The following CDC42EP1 variants were observed in gnomAD, a reference collection of about 807,000 sequenced individuals.
CDC42EP1 encodes the protein 55 kDa bone marrow stromal/endothelial cell protein.
A neutral mutation model predicts 7.4 loss-of-function variants in CDC42EP1; 6 were observed. That is an observed-to-expected ratio of 0.81 (90% CI 0.44 to 1.60). The LOEUF is 1.60. Ranked by LOEUF, CDC42EP1 falls within the 40% of genes most tolerant of loss-of-function variation. The pLI is 0.01. For synonymous variants in CDC42EP1, 238 were observed against 227.1 expected (o/e 1.05, Z -0.43); for missense variants, 567 against 539.0 (o/e 1.05, Z -0.51).
In CDC42EP1 at chr22:37,566,196, C is replaced by G. The variant is rs1396266750; in HGVS notation, c.-154C>G. On this transcript the variant is annotated 5_prime_UTR_variant, in exon 2 of 3. Transcript: ENST00000249014. The surrounding 1 kb of genome is among the most constrained non-coding windows in gnomAD (Gnocchi z 6.4). ...CTGGGAGAGACGAGCCATGAACCCC[C>G]CACAGCCTCTGCATTTGGGGACCTC... 1.9e-6 allele frequency: 1 copy of G among 521,678 alleles called. No individual in the cohort carries two copies. Among genetic ancestry groups the G allele is most frequent in the Non-Finnish European group, 3.4e-6 (1 of 297,540 alleles). 32.3% of individuals were successfully genotyped at this position (521,678 alleles called of 1,614,324 possible).
At chr22:37,560,970 G>T (rs1332797475) in intron 1 of CDC42EP1, among the ~76,000 whole-genome samples, 1 of 151,684 alleles carries the variant, frequency 6.6e-6, no homozygotes, top group South Asian at 2.1e-4. Flanking sequence ...CCCCTCCGCC[G>T]AGGCCCACGC....
In CDC42EP1 at chr22:37,566,369, G is replaced by A. The variant is rs1417765520; in HGVS notation, c.20G>A (p.Gly7Asp). The A allele has an allele frequency of 1.9e-6, 3 of 1,542,556 alleles. No individual in the cohort carries two copies. The highest frequency in any genetic ancestry group is 3.9e-5 in the Admixed American group (2 of 51,294). Residue 7 changes from glycine to aspartate, a missense_variant, in exon 2 of 3, where the codon GGC becomes GAC. Gly to Asp is a moderately conservative substitution (Grantham distance 94, BLOSUM62 -1). Transcript: ENST00000249014. This position sits in a 1 kb window ranked among gnomAD's most constrained non-coding sequence, Gnocchi z 6.4. Reference protein sequence around the residue: MPGPQGGRGAATMSLGK... With the variant: MPGPQGDRGAATMSLGK... ...GAGCTGATGCCCGGCCCCCAGGGGGGCAGAGGCGCCGCCACCATGAGCCTG... is the reference window on the plus strand; with the variant it reads ...GAGCTGATGCCCGGCCCCCAGGGGGACAGAGGCGCCGCCACCATGAGCCTG...
chr22:37,561,959 G>A (rs1294697956), intron 1 of CDC42EP1, among the ~76,000 whole-genome samples: 5 of 152,226 alleles, frequency 3.3e-5, no homozygotes, highest in Non-Finnish European at 7.3e-5. Context: ...ACCATTGAGT[G>A]AGCTCAGGCC....
chr22:37,568,850 C>A lies in CDC42EP1; in HGVS notation c.*30C>A, dbSNP rs184400751. 7.1e-7 allele frequency: 1 copy of A among 1,412,622 alleles called. No homozygotes were observed. The highest frequency in any genetic ancestry group is 9.3e-7 in the Non-Finnish European group (1 of 1,070,464). 87.5% of individuals were successfully genotyped at this position (1,412,622 alleles called of 1,614,324 possible). On this transcript the variant is annotated 3_prime_UTR_variant, in exon 3 of 3. Transcript: ENST00000249014. ...CTGGGGCACGGTCCCAGGGCCCCAC[C>A]TAGGTGCAGAGCCGGCCCCTCACCT...
chr22:37,567,450 G>A (rs985920152), intron 2 of CDC42EP1, among the ~76,000 whole-genome samples: 1 of 152,126 alleles, frequency 6.6e-6, no homozygotes, highest in Admixed American at 6.6e-5. Flanking sequence ...TTGGCCGTTC[G>A]GTCAGAGCTC....
At position 37,568,584 on chromosome 22, in the gene CDC42EP1, G is replaced by T; in HGVS notation, c.940G>T (p.Gly314Cys). 6.2e-7 allele frequency: 1 copy of T among 1,602,382 alleles called. No homozygotes were observed. The highest frequency in any genetic ancestry group is 1.1e-5 in the South Asian group (1 of 89,422). Reference protein sequence around the residue: ...PVGGGPRGPAGPALGRHWGAG... With the variant: ...PVGGGPRGPACPALGRHWGAG... ...GGGAGGGGGTCCCCGAGGACCTGCT[G>T]GCCCTGCCCTCGGCAGGCACTGGGG... is the stretch of plus-strand genomic sequence containing the variant. The change falls in exon 3 of 3, where the codon GGC (glycine) becomes TGC (cysteine). Residue 314 changes from glycine (G) to cysteine (C), a missense_variant. Physicochemically the swap from Gly to Cys is radical, Grantham distance 159. Transcript: ENST00000249014.
In CDC42EP1 at chr22:37,568,396, ACC is replaced by A; in HGVS notation, c.757_758del (p.Pro253SerfsTer46). 6.9e-7 allele frequency: 1 copy of A among 1,441,188 alleles called. No homozygotes were observed. The highest frequency in any genetic ancestry group is 9.5e-7 in the Non-Finnish European group (1 of 1,049,608). The allele number at this position is 1,441,188 out of a possible 1,614,324, so 89.3% of individuals were successfully genotyped here. A position where few individuals can be genotyped will look rare whatever the true frequency, so the allele number is the denominator to read the frequency against. ...GCAAACCCCCCAGCCACTACTGCAA[ACC>A]CCCCAGCGCCTGCTGCAAACCCCTC... On this transcript the variant is annotated frameshift_variant, in exon 3 of 3. Coordinates refer to ENST00000249014, the MANE Select transcript of CDC42EP1 (RefSeq NM_152243.3). LOFTEE classifies it low-confidence loss of function (END_TRUNC).
Position 37,566,628 on chromosome 22 carries a change from G to A in CDC42EP1, c.279G>A (p.Gly93=), listed in dbSNP as rs140945384. 972 of 1,595,802 alleles carry A rather than the reference G, an allele frequency of 6.1e-4. 1 individual carries two copies. The highest frequency in any genetic ancestry group is 7.7e-4 in the Non-Finnish European group (904 of 1,168,434). The change falls in exon 2 of 3, where the codon GGG becomes GGA. Residue 93 remains glycine (G), a synonymous_variant. Coordinates refer to ENST00000249014, the MANE Select transcript of CDC42EP1 (RefSeq NM_152243.3). This position sits in a 1 kb window ranked among gnomAD's most constrained non-coding sequence, Gnocchi z 6.4. The part of the protein sequence containing the change: ...AKKLQLVRRV[G]APPRRMASPP... ...AGCTGCAGCTGGTGCGGAGGGTGGG[G>A]GCGCCCCCCCGGAGGATGGCATCTC...
chr22:37,568,817 G>A lies in CDC42EP1; in HGVS notation c.1173G>A (p.Val391=). 6.8e-7 allele frequency: 1 copy of A among 1,477,758 alleles called. No homozygotes were observed. Among genetic ancestry groups the A allele is most frequent in the Non-Finnish European group, 9.0e-7 (1 of 1,112,816 alleles). The allele number at this position is 1,477,758 out of a possible 1,614,324, so 91.5% of individuals were successfully genotyped here. ...CTGAGGAGGATGATGAGGTCAAGGT[G>A]TGAGGGGCTGGGGCACGGTCCCAGG... ...ADAEEDDEVK[V] Residue 391 remains valine (V), a synonymous_variant, in exon 3 of 3, where the codon GTG becomes GTA. Coordinates refer to ENST00000249014, the MANE Select transcript of CDC42EP1 (RefSeq NM_152243.3).
Position 37,566,739 on chromosome 22 carries a change from C to T in CDC42EP1, c.390C>T (p.Tyr130=), listed in dbSNP as rs1233862165. The T allele has an allele frequency of 8.1e-6, 13 of 1,609,114 alleles. No individual in the cohort carries two copies. The highest frequency in any genetic ancestry group is 6.8e-5 in the Admixed American group (4 of 59,010). The part of the protein sequence containing the change: ...ISLPQLNQAA[Y]DSLVVGKLSF... ...TGCCCCAGCTCAACCAGGCCGCCTACGACAGCCTCGTGGTTGGCAAGCTCA... is the reference window on the plus strand; with the variant it reads ...TGCCCCAGCTCAACCAGGCCGCCTATGACAGCCTCGTGGTTGGCAAGCTCA... The change falls in exon 2 of 3, where the codon TAC becomes TAT. Residue 130 remains tyrosine (Y), a synonymous_variant. Coordinates refer to ENST00000249014, the MANE Select transcript of CDC42EP1 (RefSeq NM_152243.3). This position sits in a 1 kb window ranked among gnomAD's most constrained non-coding sequence, Gnocchi z 6.4.
chr22:37,568,396 AC>A lies in CDC42EP1; in HGVS notation c.758del (p.Pro253GlnfsTer38). ...GCAAACCCCCCAGCCACTACTGCAA[AC>A]CCCCCAGCGCCTGCTGCAAACCCCT... is the stretch of plus-strand genomic sequence containing the variant. ...PAANPPATTANPPAPAANPSA... is the reference protein window; with the variant it reads ...PAANPPATTAXPPAPAANPSA... On this transcript the variant is annotated frameshift_variant, in exon 3 of 3. Coordinates refer to ENST00000249014, the MANE Select transcript of CDC42EP1 (RefSeq NM_152243.3). LOFTEE classifies it low-confidence loss of function (END_TRUNC). 2.8e-6 allele frequency: 4 copies of A among 1,441,114 alleles called. No homozygotes were observed. The highest frequency in any genetic ancestry group is 3.8e-6 in the Non-Finnish European group (4 of 1,049,542). 89.3% of individuals were successfully genotyped at this position (1,441,114 alleles called of 1,614,324 possible). A position where few individuals can be genotyped will look rare whatever the true frequency, so the allele number is the denominator to read the frequency against.
intron 1 of CDC42EP1, among the ~76,000 whole-genome samples, chr22:37,565,011 C>A (rs1925177386): frequency 6.6e-6 from 1 of 152,080 alleles, no homozygotes; most frequent in Admixed American, 6.5e-5. Context: ...AATTCCTGAC[C>A]TCGTGATCCA....
chr22:37,561,945 TC>T (rs2145806956), intron 1 of CDC42EP1, among the ~76,000 whole-genome samples: 1 of 152,318 alleles, frequency 6.6e-6, no homozygotes, highest in Non-Finnish European at 1.5e-5. Context: ...CTTGCGTCAT[TC>T]CCACCATTGA....
intron 1 of CDC42EP1, among the ~76,000 whole-genome samples, chr22:37,561,132 C>T (rs1271890448): frequency 6.6e-6 from 1 of 152,180 alleles, no homozygotes; most frequent in Admixed American, 6.5e-5. Flanking sequence ...CCTTCCCCCG[C>T]GGAGCGACCC....
chr22:37,566,678 C>G lies in CDC42EP1; in HGVS notation c.329C>G (p.Pro110Arg). The G allele has an allele frequency of 6.2e-7, 1 of 1,610,478 alleles. No homozygotes were observed. The highest frequency in any genetic ancestry group is 1.1e-5 in the South Asian group (1 of 90,636). The change falls in exon 2 of 3, where the codon CCG becomes CGG. Residue 110 changes from proline (P) to arginine (R), a missense_variant. By Grantham distance (103) the Pro-to-Arg change is moderately radical. Transcript: ENST00000249014. The surrounding 1 kb of genome is among the most constrained non-coding windows in gnomAD (Gnocchi z 6.4). Reference sequence around the variant, plus strand: ...CCCCCTGCACCCTCCCCGGCTCCACCGGCCATCTCCCCCATCATCAAGAAC... The same window carrying G: ...CCCCCTGCACCCTCCCCGGCTCCACGGGCCATCTCCCCCATCATCAAGAAC... ...ASPPAPSPAP[P>R]AISPIIKNAI... is the part of the protein sequence containing the mutation.
intron 1 of CDC42EP1, chr22:37,563,851 G>A (rs1432465295): frequency 6.6e-6 from 1 of 152,230 alleles, no homozygotes; most frequent in African/African-American, 2.4e-5. Flanking sequence ...TCTCAGAAGG[G>A]GCCAGGGTGA....
intron 1 of CDC42EP1, among the ~76,000 whole-genome samples, chr22:37,562,431 C>T (rs1449809797): frequency 2.6e-5 from 4 of 152,188 alleles, no homozygotes; most frequent in African/African-American, 4.8e-5. Context: ...TGGCTGCCAC[C>T]GGGGTCCCTG....
chr22:37,562,613 A>G (rs1925083811), intron 1 of CDC42EP1, among the ~76,000 whole-genome samples: 1 of 152,176 alleles, frequency 6.6e-6, no homozygotes, highest in African/African-American at 2.4e-5. Flanking sequence ...CCCTGCCCTC[A>G]GCTCCACAGC....
chr22:37,564,958 C>T (rs1202859987), intron 1 of CDC42EP1, among the ~76,000 whole-genome samples: 1 of 151,972 alleles, frequency 6.6e-6, no homozygotes, highest in African/African-American at 2.4e-5. Context: ...TTTTGTATTT[C>T]TGGTAGAGAC....
Sources: gnomAD v4.1 joint callset for allele counts (sites outside exome capture counted in the v4.1 genomes callset) on GRCh38, gnomAD v4.1.1 for gene constraint, Gnocchi (gnomAD v3.1) non-coding constraint, MANE v1.5 for transcripts, NCBI Gene and HGNC (gene_info 2026-07-23, HGNC 2026-07-21) for gene names.